The following RAD51B variants were observed in gnomAD, a reference collection of about 807,000 sequenced individuals.
The protein encoded by RAD51B is RAD51 paralog B.
A neutral mutation model predicts 42.2 loss-of-function variants in RAD51B; 38 were observed. That is an observed-to-expected ratio of 0.90 (90% CI 0.70 to 1.18). The LOEUF is 1.18. Ranked by LOEUF, RAD51B falls within the 50% of genes most tolerant of loss-of-function variation. The pLI, the probability that RAD51B is intolerant of heterozygous loss-of-function variation, is 0.00. For synonymous variants in RAD51B, 154 were observed against 145.2 expected (o/e 1.06, Z -0.43); for missense variants, 373 against 400.7 (o/e 0.93, Z 0.59).
intron 10 of RAD51B, among the ~76,000 whole-genome samples, chr14:68,492,600 C>T (rs1455974148): frequency 1.3e-5 from 2 of 152,210 alleles, no homozygotes; most frequent in Non-Finnish European, 2.9e-5. Flanking sequence ...TTTGAAGTTA[C>T]AAATTGCTAC....
chr14:67,997,553 G>A (rs1274032166), intron 7 of RAD51B, among the ~76,000 whole-genome samples: 1 of 152,056 alleles, frequency 6.6e-6, no homozygotes, highest in African/African-American at 2.4e-5. Context: ...TTTTCCTATT[G>A]TCTGTGATCA....
chr14:68,541,210 C>G lies in RAD51B; in HGVS notation c.1037-53275C>G, dbSNP rs532558020. Reference sequence around the variant, plus strand: ...GGCTGCAGATCCTTTCTCTGCTCAGCTCCGTTCGGGCTCCTCTTTTCTTGA... The same window carrying G: ...GGCTGCAGATCCTTTCTCTGCTCAGGTCCGTTCGGGCTCCTCTTTTCTTGA... On this transcript the variant is annotated intron_variant, in intron 10 of 10. Transcript: ENST00000487270. 3.0e-6 allele frequency: 3 copies of G among 985,418 alleles called. No individual in the cohort carries two copies. The African/African-American group carries it at 5.2e-5, about 17-fold the overall frequency. The allele number at this position is 985,418 out of a possible 1,614,324, so 61.0% of individuals were successfully genotyped here. A position where few individuals can be genotyped will look rare whatever the true frequency, so the allele number is the denominator to read the frequency against.
chr14:68,026,364 A>G (rs1489881007), intron 7 of RAD51B, among the ~76,000 whole-genome samples: 2 of 152,098 alleles, frequency 1.3e-5, no homozygotes, highest in Admixed American at 1.3e-4. Flanking sequence ...ATTAGGTCTA[A>G]TTGGTCTAGT....
intron 7 of RAD51B, among the ~76,000 whole-genome samples, chr14:67,888,833 G>T (rs919845312): frequency 6.6e-6 from 1 of 152,122 alleles, no homozygotes; most frequent in African/African-American, 2.4e-5. Flanking sequence ...GTGGATTATG[G>T]TATCTGCAGA....
intron 10 of RAD51B, among the ~76,000 whole-genome samples, chr14:68,557,159 T>C (rs987407128): frequency 6.6e-6 from 1 of 152,220 alleles, no homozygotes; most frequent in African/African-American, 2.4e-5. Context: ...ATGGGTTAGC[T>C]GTTGCACCAA....
chr14:67,864,906 G>A (rs1760152019), intron 4 of RAD51B, 97 bp from the exon 5 acceptor site: 1 of 1,414,292 alleles, frequency 7.1e-7, no homozygotes, highest in African/African-American at 1.5e-5. Context: ...CTGCATATAT[G>A]GCAAAGTCTT....
intron 7 of RAD51B, among the ~76,000 whole-genome samples, chr14:68,185,655 A>G (rs1163424919): frequency 6.8e-6 from 1 of 146,874 alleles, no homozygotes; most frequent in Non-Finnish European, 1.5e-5. Context: ...GTGGAAGACA[A>G]TTTTTCCGTG....
Position 68,130,631 on chromosome 14 carries a change from T to C in RAD51B, c.757-161253T>C, listed in dbSNP as rs190650965. ...ATTTTTCTTTAGCCAATCTCCTCTCTTTTTTTGTAGAAATTGATTCTTTTA... is the reference window on the plus strand; with the variant it reads ...ATTTTTCTTTAGCCAATCTCCTCTCCTTTTTTGTAGAAATTGATTCTTTTA... On this transcript the variant is annotated intron_variant, in intron 7 of 10. Transcript: ENST00000471583. Among the ~76,000 whole-genome samples, 4 of 152,336 alleles carry C rather than the reference T, an allele frequency of 2.6e-5. No homozygotes were observed. In the East Asian group the frequency reaches 5.8e-4, roughly 22 times the overall value.
intron 5 of RAD51B, among the ~76,000 whole-genome samples, chr14:67,873,041 T>C (rs535464436): frequency 6.6e-6 from 1 of 152,346 alleles, no homozygotes; most frequent in African/African-American, 2.4e-5. Context: ...AAGGACTTCA[T>C]GTCTAAAACA....
At chr14:67,913,171 A>G (rs1382594310) in intron 7 of RAD51B, among the ~76,000 whole-genome samples, 1 of 152,156 alleles carries the variant, frequency 6.6e-6, no homozygotes, top group Non-Finnish European at 1.5e-5. Flanking sequence ...CTTGGTAGTT[A>G]TCCCCTACCA....
intron 11 of RAD51B, among the ~76,000 whole-genome samples, chr14:68,651,401 G>C (rs1050603216): frequency 6.6e-6 from 1 of 152,156 alleles, no homozygotes; most frequent in African/African-American, 2.4e-5. Context: ...TCAAACTCAA[G>C]TAATCTGCCC....
chr14:68,412,780 T>G (rs1037258611), intron 9 of RAD51B, among the ~76,000 whole-genome samples: 4 of 152,230 alleles, frequency 2.6e-5, no homozygotes. Context: ...TATTTCTCTT[T>G]TTAGTGGAAC....
chr14:68,155,491 C>G (rs2078484086), intron 7 of RAD51B, among the ~76,000 whole-genome samples: 1 of 152,008 alleles, frequency 6.6e-6, no homozygotes, highest in Non-Finnish European at 1.5e-5. Flanking sequence ...CGCGCCCGGC[C>G]TATATTTCTT....
chr14:67,928,586 G>C (rs919709434), intron 7 of RAD51B, among the ~76,000 whole-genome samples: 1 of 151,904 alleles, frequency 6.6e-6, no homozygotes, highest in Admixed American at 6.6e-5. Context: ...TCCTGAACAC[G>C]TGTGAGTTAT....
intron 5 of RAD51B, among the ~76,000 whole-genome samples, chr14:67,867,699 G>A (rs2042373909): frequency 1.3e-5 from 2 of 152,186 alleles, no homozygotes; most frequent in Admixed American, 1.3e-4. Context: ...CTCATAGCGA[G>A]GAAGAAGTGG....
intron 9 of RAD51B, among the ~76,000 whole-genome samples, chr14:68,429,213 A>G (rs1226185282): frequency 1.3e-5 from 2 of 152,194 alleles, no homozygotes; most frequent in Non-Finnish European, 2.9e-5. Flanking sequence ...TGCAATAAAC[A>G]TACGTGTACA....
At chr14:68,648,141 A>G (rs1438563204) in intron 10 of RAD51B, among the ~76,000 whole-genome samples, 2 of 121,218 alleles carry the variant, frequency 1.6e-5, no homozygotes, top group Non-Finnish European at 3.5e-5. Flanking sequence ...ACGTATATAT[A>G]TATATACACA....
intron 7 of RAD51B, among the ~76,000 whole-genome samples, chr14:68,064,239 G>A (rs1373824285): frequency 1.3e-5 from 2 of 152,108 alleles, no homozygotes; most frequent in African/African-American, 4.8e-5. Context: ...TTCATGGCTA[G>A]CAATTTTTTT....
chr14:67,898,374 C>G (rs1452463594), intron 7 of RAD51B, among the ~76,000 whole-genome samples: 1 of 152,156 alleles, frequency 6.6e-6, no homozygotes, highest in Non-Finnish European at 1.5e-5. Flanking sequence ...TATATGGAAT[C>G]TAAAATAGTC....
Sources: allele counts gnomAD v4.1 joint callset (sites outside exome capture counted in the v4.1 genomes callset), GRCh38; gene constraint gnomAD v4.1.1; transcripts MANE v1.5; gene names NCBI Gene and HGNC (gene_info 2026-07-23, HGNC 2026-07-21).